HAVCR2: variants seen among roughly 807,000 people sequenced by gnomAD.
The protein encoded by HAVCR2 is hepatitis A virus cellular receptor 2.
HAVCR2 carries 13 observed loss-of-function variants against 24.7 expected under a neutral mutation model. The ratio of observed to expected loss-of-function variants is 0.53; its 90% CI spans 0.34 to 0.84. The LOEUF is 0.84. HAVCR2 is among the 40% of genes least tolerant of loss of function. The probability of loss-of-function intolerance (pLI) is 0.01; values close to 1 mark genes in which losing one functional copy is unlikely to be tolerated. For missense variants in HAVCR2, 343 were observed against 371.2 expected (o/e 0.92, Z 0.62); for synonymous variants, 154 against 143.4 (o/e 1.07, Z -0.53).
chr5:157,104,818 G>A (rs1482677891), intron 2 of HAVCR2, 69 bp from the exon 3 acceptor site: 5 of 1,128,236 alleles, frequency 4.4e-6, no homozygotes, highest in East Asian at 2.6e-5. Context: ...GGAATCAAAG[G>A]GGCAGCAAGA....
chr5:157,093,091 A>C (rs978428784), intron 5 of HAVCR2, among the ~76,000 whole-genome samples: 1 of 139,488 alleles, frequency 7.2e-6, no homozygotes, highest in East Asian at 2.0e-4. Context: ...ATATATATAT[A>C]TATGTGTATA....
intron 4 of HAVCR2, among the ~76,000 whole-genome samples, chr5:157,095,949 G>A (rs2113688735): frequency 6.6e-6 from 1 of 152,266 alleles, no homozygotes; most frequent in South Asian, 2.1e-4. Flanking sequence ...TCTGAGGCCG[G>A]GCGCGGTGGC....
chr5:157,090,903 G>A (rs1320626732), intron 5 of HAVCR2, among the ~76,000 whole-genome samples: 1 of 152,024 alleles, frequency 6.6e-6, no homozygotes, highest in East Asian at 1.9e-4. Flanking sequence ...CTAGAATGCA[G>A]CAGCAAGATC....
rs182926378 is a variant in HAVCR2, at chr5:157,087,083, A to G, written c.*19T>C. ...CTGAAAAAGACAAAACACCAAGCTC[A>G]AAAATAAGGTGGTTGGATCTATGGC... On this transcript the variant is annotated 3_prime_UTR_variant, in exon 7 of 7. Transcript: ENST00000307851. The G allele has an allele frequency of 8.2e-5, 132 of 1,606,576 alleles. No individual in the cohort carries two copies. In the African/African-American group the frequency reaches 1.5e-3, roughly 18 times the overall value.
chr5:157,095,211 TG>T, intron 5 of HAVCR2, 94 bp downstream of exon 5: 1 of 1,314,900 alleles, frequency 7.6e-7, no homozygotes, highest in Non-Finnish European at 1.1e-6. Flanking sequence ...TAATCATCTT[TG>T]GGTATAAACA....
Position 157,108,966 on chromosome 5 carries a change from G to A in HAVCR2, c.18C>T (p.Pro6=). Residue 6 remains proline, a synonymous_variant, in exon 1 of 7, where the codon CCC becomes CCT. Coordinates refer to ENST00000307851, the MANE Select transcript of HAVCR2 (RefSeq NM_032782.5). MFSHL[P]FDCVLLLLLL... ...GCAGCAGCAGCAGGACACAGTCAAA[G>A]GGAAGATGTGAAAACATGGAGCTTG... 3 of 1,614,120 alleles carry A rather than the reference G, an allele frequency of 1.9e-6. No individual in the cohort carries two copies. The highest frequency in any genetic ancestry group is 1.7e-5 in the Admixed American group (1 of 60,014).
At chr5:157,108,637 C>T (rs912940928) in intron 1 of HAVCR2, among the ~76,000 whole-genome samples, 6 of 152,154 alleles carry the variant, frequency 3.9e-5, no homozygotes, top group African/African-American at 1.2e-4. Context: ...TCCTGCTCCC[C>T]GACAATGCAC....
At position 157,097,663 on chromosome 5, in the gene HAVCR2, G is replaced by A. The variant is rs573638370; in HGVS notation, c.522+1195C>T. On this transcript the variant is annotated intron_variant, in intron 4 of 6. Coordinates refer to ENST00000307851, the MANE Select transcript of HAVCR2 (RefSeq NM_032782.5). ...TGCCCAGGCTGGTGTGCAGTGGCGC[G>A]ACCTCAGCTCACTGCAACCTCCACC... Among the ~76,000 whole-genome samples the A allele has an allele frequency of 4.6e-5, 7 of 152,108 alleles. No individual in the cohort carries two copies. In the South Asian group the frequency reaches 8.3e-4, roughly 18 times the overall value.
rs143574288 is a variant in HAVCR2 at position 157,097,398 on chromosome 5, G to A, written c.522+1460C>T. 4.6e-3 allele frequency among the ~76,000 whole-genome samples: 698 copies of A among 151,936 alleles called. 1 individual carries two copies. The highest frequency in any genetic ancestry group is 7.3e-3 in the Non-Finnish European group (498 of 67,958). On this transcript the variant is annotated intron_variant, in intron 4 of 6. Coordinates refer to ENST00000307851, the MANE Select transcript of HAVCR2 (RefSeq NM_032782.5). Reference sequence around the variant, plus strand: ...GCCTCCCAAGTAGCTGGAACTACAGGTTTGCAGCACCATGCCTGGCCAAAT... The same window carrying A: ...GCCTCCCAAGTAGCTGGAACTACAGATTTGCAGCACCATGCCTGGCCAAAT...
In HAVCR2 at chr5:157,095,707, T is replaced by TAAAA. The variant is rs35269370; in HGVS notation, c.523-252_523-249dup. 3.2e-4 allele frequency among the ~76,000 whole-genome samples: 42 copies of TAAAA among 129,958 alleles called. 1 individual carries two copies. The highest frequency in any genetic ancestry group is 1.1e-3 in the East Asian group (5 of 4,398). The allele number at this position is 129,958 out of a possible 152,430, so 85.3% of individuals were successfully genotyped here. A position where few individuals can be genotyped will look rare whatever the true frequency, so the allele number is the denominator to read the frequency against. ...GTGTTGTGGGTAGAGAAGGAGCTCT[T>TAAAA]AAAAAAAAAAAAAAAAAAAGAGAGA... On this transcript the variant is annotated intron_variant, in intron 4 of 6. Transcript: ENST00000307851.
chr5:157,105,820 G>T (rs1408632607), intron 2 of HAVCR2, among the ~76,000 whole-genome samples: 1 of 152,182 alleles, frequency 6.6e-6, no homozygotes, highest in East Asian at 1.9e-4. Flanking sequence ...AAAAGCTAAT[G>T]CTTAGCATCT....
Position 157,095,371 on chromosome 5 carries a change from T to A in HAVCR2, c.611A>T (p.Tyr204Phe). 6.2e-7 allele frequency: 1 copy of A among 1,614,166 alleles called. No homozygotes were observed. Among genetic ancestry groups the A allele is most frequent in the East Asian group, 2.2e-5 (1 of 44,882 alleles). ...CCCAGCACAGATCCCTGCTCCGATG[T>A]AGATGCCTATTCTGATGGTTGCTCC... ...DSGATIRIGI[Y>F]IGAGICAGLA... is the part of the protein sequence containing the mutation. Residue 204 changes from tyrosine (Y) to phenylalanine (F), a missense_variant, in exon 5 of 7, where the codon TAC (tyrosine) becomes TTC (phenylalanine). Transcript: ENST00000307851.
intron 3 of HAVCR2, among the ~76,000 whole-genome samples, chr5:157,100,448 ATT>A (rs1561622297): frequency 6.6e-6 from 1 of 152,178 alleles, no homozygotes; most frequent in Non-Finnish European, 1.5e-5. Flanking sequence ...CTGCTGATCC[ATT>A]CCATGAATAT....
Position 157,108,972 on chromosome 5 carries a change from A to G in HAVCR2, c.12T>C (p.His4=), listed in dbSNP as rs1017860444. MFS[H]LPFDCVLLLL... ...GCAGCAGGACACAGTCAAAGGGAAGATGTGAAAACATGGAGCTTGCAGAAG... is the reference window on the plus strand; with the variant it reads ...GCAGCAGGACACAGTCAAAGGGAAGGTGTGAAAACATGGAGCTTGCAGAAG... The change falls in exon 1 of 7, where the codon CAT becomes CAC. Residue 4 remains histidine, a synonymous_variant. Transcript: ENST00000307851. 7 of 1,614,190 alleles carry G rather than the reference A, an allele frequency of 4.3e-6. No individual in the cohort carries two copies. The highest frequency in any genetic ancestry group is 1.1e-5 in the South Asian group (1 of 91,076).
At chr5:157,091,338 AG>A (rs1206383100) in intron 5 of HAVCR2, among the ~76,000 whole-genome samples, 1 of 152,042 alleles carries the variant, frequency 6.6e-6, no homozygotes, top group Non-Finnish European at 1.5e-5. Flanking sequence ...CCAGCTACTC[AG>A]GAGGCTGAGG....
At chr5:157,093,873 A>T (rs1757050699) in intron 5 of HAVCR2, among the ~76,000 whole-genome samples, 5 of 152,122 alleles carry the variant, frequency 3.3e-5, no homozygotes, top group Admixed American at 2.0e-4. Context: ...TGAACCCGGG[A>T]GGCAGAGGTT....
In HAVCR2 at chr5:157,092,913, A is replaced by AAAAAAAAAAAAAAAAAAAAAAAAAAAAT. The variant is rs1561619880; in HGVS notation, c.676+2392_676+2393insATTTTTTTTTTTTTTTTTTTTTTTTTTT. 1.6e-5 allele frequency among the ~76,000 whole-genome samples: 2 copies of AAAAAAAAAAAAAAAAAAAAAAAAAAAAT among 122,972 alleles called. 1 individual carries two copies. The highest frequency in any genetic ancestry group is 6.2e-5 in the African/African-American group (2 of 32,212). The allele number at this position is 122,972 out of a possible 152,430, so 80.7% of individuals were successfully genotyped here. ...AAAAAAAAAAAAAAAAAAAAAAAAAAAAAAACTAGCCAGGTGTGGTGGCAT... is the reference window on the plus strand; with the variant it reads ...AAAAAAAAAAAAAAAAAAAAAAAAAAAAAAAAAAAAAAAAAAAAAAAAAAAAATAAAAACTAGCCAGGTGTGGTGGCAT... On this transcript the variant is annotated intron_variant, in intron 5 of 6. Transcript: ENST00000307851.
chr5:157,101,039 T>C (rs1757159129), intron 3 of HAVCR2, among the ~76,000 whole-genome samples: 1 of 150,822 alleles, frequency 6.6e-6, no homozygotes, highest in Non-Finnish European at 1.5e-5. Flanking sequence ...GAGGTTGCAG[T>C]GAGCCGAGAT....
intron 2 of HAVCR2, among the ~76,000 whole-genome samples, chr5:157,105,872 T>A (rs1757239799): frequency 6.6e-6 from 1 of 151,834 alleles, no homozygotes; most frequent in Non-Finnish European, 1.5e-5. Flanking sequence ...GGTAGTGGGG[T>A]TTTTTCTTCT....
Sources: allele counts gnomAD v4.1 joint callset (sites outside exome capture counted in the v4.1 genomes callset), GRCh38; gene constraint gnomAD v4.1.1; transcripts MANE v1.5; gene names NCBI Gene and HGNC (gene_info 2026-07-23, HGNC 2026-07-21).